NXPH1: variants seen among roughly 807,000 people sequenced by gnomAD.
NXPH1 encodes the protein neurexophilin 1, also known as neurexophilin-1.
Under a neutral mutation model 23.7 loss-of-function variants are expected in NXPH1, and 5 were observed. The observed-to-expected ratio is 0.21, with a 90% CI of 0.11 to 0.44. NXPH1 has a LOEUF of 0.44. Among genes scored for constraint, NXPH1 ranks in the 20% least tolerant of loss-of-function variants. The pLI is 0.99. For missense variants in NXPH1, 324 were observed against 321.6 expected, an observed-to-expected ratio of 1.01 and a Z score of -0.06; for synonymous variants, 144 against 122.2, an observed-to-expected ratio of 1.18 and a Z score of -1.18.
chr7:8,488,150 AAC>A (rs1418015380), intron 2 of NXPH1, among the ~76,000 whole-genome samples: 2 of 152,090 alleles, frequency 1.3e-5, no homozygotes, highest in Non-Finnish European at 2.9e-5. Flanking sequence ...AGATCTCATG[AAC>A]ACATTTTATG....
intron 2 of NXPH1, among the ~76,000 whole-genome samples, chr7:8,621,413 T>C (rs1420219396): frequency 6.6e-6 from 1 of 152,032 alleles, no homozygotes; most frequent in Admixed American, 6.6e-5. Context: ...ATTTCCATCT[T>C]TGACTTTTGA....
rs1408490537 is a variant in NXPH1, at chr7:8,752,421, C to A, written c.*652C>A. 3 of 152,434 alleles carry A rather than the reference C, an allele frequency of 2.0e-5. No individual in the cohort carries two copies. The highest frequency in any genetic ancestry group is 7.3e-5 in the African/African-American group (3 of 41,372). 9.4% of individuals were successfully genotyped at this position (152,434 alleles called of 1,614,324 possible). A position where few individuals can be genotyped will look rare whatever the true frequency, so the allele number is the denominator to read the frequency against. ...ATGGCTCTTTTTTCTTTGAAAGGGGCCTGTTCTCAGTAAAGATGAGCAAAC... is the reference window on the plus strand; with the variant it reads ...ATGGCTCTTTTTTCTTTGAAAGGGGACTGTTCTCAGTAAAGATGAGCAAAC... On this transcript the variant is annotated 3_prime_UTR_variant, in exon 3 of 3. Coordinates refer to ENST00000405863, the MANE Select transcript of NXPH1 (RefSeq NM_152745.3).
intron 2 of NXPH1, among the ~76,000 whole-genome samples, chr7:8,514,555 T>G (rs1817660336): frequency 6.6e-6 from 1 of 152,150 alleles, no homozygotes; most frequent in Non-Finnish European, 1.5e-5. Context: ...GGATGGTAGA[T>G]AAAACTTCAT....
intron 2 of NXPH1, among the ~76,000 whole-genome samples, chr7:8,470,691 G>A (rs1427445657): frequency 1.3e-5 from 2 of 152,148 alleles, no homozygotes; most frequent in Non-Finnish European, 1.5e-5. Flanking sequence ...GCATTTCATA[G>A]CCTGGTTTAC....
intron 2 of NXPH1, among the ~76,000 whole-genome samples, chr7:8,564,585 G>T (rs553807644): frequency 1.3e-5 from 2 of 151,904 alleles, no homozygotes; most frequent in South Asian, 4.1e-4. Context: ...TTCCCCACTG[G>T]ATTGAACACT....
At chr7:8,470,514 T>C (rs1263941586) in intron 2 of NXPH1, among the ~76,000 whole-genome samples, 4 of 152,166 alleles carry the variant, frequency 2.6e-5, no homozygotes, top group African/African-American at 9.7e-5. Flanking sequence ...TTAGACCATT[T>C]AGGGCAAACT....
chr7:8,693,057 G>A lies in NXPH1; in HGVS notation c.55-57951G>A, dbSNP rs547248433. ...AAATAGAAAAAAGAGGCAAGTGAAG[G>A]GGCAAGGAGGAAAAATTTAGAGTGG... is the stretch of plus-strand genomic sequence containing the variant. On this transcript the variant is annotated intron_variant, in intron 2 of 2. Transcript: ENST00000405863. Among the ~76,000 whole-genome samples, 4 of 152,170 alleles carry A rather than the reference G, an allele frequency of 2.6e-5. No individual in the cohort carries two copies. The East Asian group carries it at 7.7e-4, about 29-fold the overall frequency.
intron 2 of NXPH1, among the ~76,000 whole-genome samples, chr7:8,634,560 T>C (rs1369101597): frequency 6.6e-6 from 1 of 152,082 alleles, no homozygotes; most frequent in Non-Finnish European, 1.5e-5. Context: ...TTCAGGCCTA[T>C]GATATGGCCA....
At chr7:8,499,250 C>G (rs1817391239) in intron 2 of NXPH1, among the ~76,000 whole-genome samples, 1 of 152,032 alleles carries the variant, frequency 6.6e-6, no homozygotes, top group South Asian at 2.1e-4. Flanking sequence ...TTTGTTTGAG[C>G]ATAAGAATGC....
At chr7:8,665,306 C>T (rs1820742569) in intron 2 of NXPH1, among the ~76,000 whole-genome samples, 1 of 152,050 alleles carries the variant, frequency 6.6e-6, no homozygotes, top group African/African-American at 2.4e-5. Flanking sequence ...GTTCTTGGCA[C>T]ATTTACTAAA....
chr7:8,481,091 T>C (rs1057017554), intron 2 of NXPH1, among the ~76,000 whole-genome samples: 1 of 152,202 alleles, frequency 6.6e-6, no homozygotes, highest in Non-Finnish European at 1.5e-5. Flanking sequence ...CAGCCTCTTT[T>C]GTGGATGTTG....
intron 2 of NXPH1, among the ~76,000 whole-genome samples, chr7:8,635,438 C>A (rs1009085802): frequency 5.9e-5 from 9 of 152,162 alleles, no homozygotes; most frequent in African/African-American, 1.9e-4. Context: ...ATCTCTTGGG[C>A]ACCCTTTGAA....
chr7:8,505,891 A>AATGG (rs1817514483), intron 2 of NXPH1, among the ~76,000 whole-genome samples: 1 of 152,078 alleles, frequency 6.6e-6, no homozygotes, highest in Non-Finnish European at 1.5e-5. Flanking sequence ...AAAAGTGTAC[A>AATGG]TTTCTGGGAA....
intron 2 of NXPH1, among the ~76,000 whole-genome samples, chr7:8,530,584 C>G (rs1312040310): frequency 6.6e-6 from 1 of 152,160 alleles, no homozygotes; most frequent in African/African-American, 2.4e-5. Flanking sequence ...AGGAGATGAG[C>G]AAGAAAGACG....
At chr7:8,620,414 G>C (rs1049890105) in intron 2 of NXPH1, among the ~76,000 whole-genome samples, 1 of 152,166 alleles carries the variant, frequency 6.6e-6, no homozygotes, top group African/African-American at 2.4e-5. Flanking sequence ...GTAAGCCTCT[G>C]TGCTGCCTCT....
At chr7:8,522,411 T>A (rs1246524086) in intron 2 of NXPH1, among the ~76,000 whole-genome samples, 1 of 152,236 alleles carries the variant, frequency 6.6e-6, no homozygotes, top group Non-Finnish European at 1.5e-5. Flanking sequence ...ACTAATTATG[T>A]CCAACATTGC....
rs142488612 is a variant in NXPH1 at position 8,554,691 on chromosome 7, C to T, written c.54+118924C>T. Among the ~76,000 whole-genome samples, 1,021 of 151,786 alleles carry T rather than the reference C, an allele frequency of 6.7e-3. 6 individuals carry two copies. The highest frequency in any genetic ancestry group is 0.011 in the Non-Finnish European group (715 of 67,730). On this transcript the variant is annotated intron_variant, in intron 2 of 2. Transcript: ENST00000405863. ...TGTTAAAAAACAGAACATGGCTGAT[C>T]TATTTCCTGAATTCTTTGGCCTTTT...
rs1338830638 is a variant in NXPH1, at chr7:8,649,962, A to G, written c.55-101046A>G. ...AGGCTTAAATTAAGGAGGGACTGAA[A>G]TACTATGAAGTACAGTCAGTGAATT... On this transcript the variant is annotated intron_variant, in intron 2 of 2. Transcript: ENST00000405863. Among the ~76,000 whole-genome samples the G allele has an allele frequency of 2.6e-5, 4 of 152,278 alleles. No homozygotes were observed. The East Asian group carries it at 7.7e-4, about 29-fold the overall frequency.
intron 2 of NXPH1, among the ~76,000 whole-genome samples, chr7:8,584,794 A>C (rs1818949630): frequency 6.6e-6 from 1 of 152,210 alleles, no homozygotes; most frequent in South Asian, 2.1e-4. Context: ...TTTTGTGTCC[A>C]AGGTATCCCA....
Sources: allele counts gnomAD v4.1 joint callset (sites outside exome capture counted in the v4.1 genomes callset), GRCh38; gene constraint gnomAD v4.1.1; transcripts MANE v1.5; gene names NCBI Gene and HGNC (gene_info 2026-07-23, HGNC 2026-07-21).